Variants in SNTB1 observed in about 807,000 individuals in gnomAD.
The protein encoded by SNTB1 is syntrophin beta 1, also known as beta-1-syntrophin.
In SNTB1, 36 loss-of-function variants were observed where a neutral mutation model predicts 48.9. That is an observed-to-expected ratio of 0.74 (90% CI 0.56 to 0.97). The LOEUF (loss-of-function observed/expected upper bound fraction) is 0.97. Among genes scored for constraint, SNTB1 ranks in the 50% least tolerant of loss-of-function variants. The probability of loss-of-function intolerance (pLI) is 0.00; values close to 1 mark genes in which losing one functional copy is unlikely to be tolerated. For missense variants in SNTB1, 786 were observed against 703.4 expected, an observed-to-expected ratio of 1.12 and a Z score of -1.33; for synonymous variants, 299 against 294.6, an observed-to-expected ratio of 1.01 and a Z score of -0.15.
At chr8:120,578,162 T>G (rs917902659) in intron 3 of SNTB1, among the ~76,000 whole-genome samples, 1 of 151,758 alleles carries the variant, frequency 6.6e-6, no homozygotes, top group Non-Finnish European at 1.5e-5. Context: ...GCCTCCCAAG[T>G]AGCTGGGACT....
At chr8:120,776,717 C>T (rs938897790) in intron 1 of SNTB1, 4 of 152,138 alleles carry the variant, frequency 2.6e-5, no homozygotes, top group Admixed American at 1.3e-4. Context: ...CCCTCATAAG[C>T]CTGGTCATAT....
At chr8:120,788,043 T>C (rs367978858) in intron 1 of SNTB1, among the ~76,000 whole-genome samples, 1 of 152,326 alleles carries the variant, frequency 6.6e-6, no homozygotes, top group African/African-American at 2.4e-5. Flanking sequence ...AGTAGAAACC[T>C]GACATCTAGA....
Position 120,811,671 on chromosome 8 carries a change from T to C in SNTB1, c.173A>G (p.Asn58Ser), listed in dbSNP as rs891069256. ...LSSEEGAAAY[N>S]GIGTATNGSF... ...GCCATTGGTGGCGGTCCCGATGCCG[T>C]TGTACGCCGCAGCGCCCTCCTCGCT... The change falls in exon 1 of 7, where the codon AAC becomes AGC. Residue 58 changes from asparagine to serine, a missense_variant. Coordinates refer to ENST00000517992, the MANE Select transcript of SNTB1 (RefSeq NM_021021.4). 27 of 1,592,564 alleles carry C rather than the reference T, an allele frequency of 1.7e-5. No individual in the cohort carries two copies. In the African/African-American group the frequency reaches 2.9e-4, roughly 17 times the overall value.
chr8:120,638,106 G>A (rs1817113891), intron 2 of SNTB1: 1 of 153,080 alleles, frequency 6.5e-6, no homozygotes, highest in African/African-American at 2.4e-5. Context: ...AAGGAACCAG[G>A]GATATTGGGG....
chr8:120,677,380 T>G (rs1407816711), intron 2 of SNTB1, among the ~76,000 whole-genome samples: 1 of 152,224 alleles, frequency 6.6e-6, no homozygotes, highest in Non-Finnish European at 1.5e-5. Flanking sequence ...GAAATTAATC[T>G]AAGGATGCTA....
At chr8:120,609,686 T>A (rs990380034) in intron 3 of SNTB1, among the ~76,000 whole-genome samples, 7 of 152,308 alleles carry the variant, frequency 4.6e-5, no homozygotes, top group South Asian at 2.1e-4. Context: ...ATTAACATTT[T>A]AAAAAAACCA....
Position 120,575,906 on chromosome 8 carries a change from G to C in SNTB1, c.997-681C>G, listed in dbSNP as rs191542661. On this transcript the variant is annotated intron_variant, in intron 3 of 6. Coordinates refer to ENST00000517992, the MANE Select transcript of SNTB1 (RefSeq NM_021021.4). The stretch of plus-strand genomic sequence containing the variant: ...AAAACCCTTCTAATCTGGAGAATCT[G>C]TGTAGCTCAGCTCTTATCTCATGAG... Among the ~76,000 whole-genome samples the C allele has an allele frequency of 3.5e-3, 531 of 152,320 alleles. 2 individuals carry two copies. The highest frequency in any genetic ancestry group is 0.019 in the South Asian group (93 of 4,832).
chr8:120,770,124 T>TA (rs1819594645), intron 1 of SNTB1, among the ~76,000 whole-genome samples: 1 of 152,222 alleles, frequency 6.6e-6, no homozygotes, highest in Non-Finnish European at 1.5e-5. Flanking sequence ...CATCTCTTCC[T>TA]ACCAGTTTAT....
chr8:120,693,295 T>C (rs1413396094), intron 2 of SNTB1, among the ~76,000 whole-genome samples: 1 of 152,126 alleles, frequency 6.6e-6, no homozygotes, highest in Non-Finnish European at 1.5e-5. Context: ...ACATCCTAAC[T>C]ATATCACATG....
At chr8:120,674,200 T>C (rs567921550) in intron 2 of SNTB1, among the ~76,000 whole-genome samples, 3 of 152,338 alleles carry the variant, frequency 2.0e-5, no homozygotes, top group African/African-American at 7.2e-5. Context: ...ACATGTAGAC[T>C]GCAGGAATGC....
chr8:120,568,487 C>T (rs1815788917), intron 4 of SNTB1, among the ~76,000 whole-genome samples: 1 of 152,192 alleles, frequency 6.6e-6, no homozygotes, highest in Non-Finnish European at 1.5e-5. Flanking sequence ...AGTTAAAAAT[C>T]TATTTTACCA....
Position 120,811,651 on chromosome 8 carries a change from T to A in SNTB1, c.193A>T (p.Asn65Tyr). 2 of 1,594,132 alleles carry A rather than the reference T, an allele frequency of 1.3e-6. No individual in the cohort carries two copies. The highest frequency in any genetic ancestry group is 1.7e-6 in the Non-Finnish European group (2 of 1,173,746). ...CCGGCGCCCCTGCAGAACGAGCCAT[T>A]GGTGGCGGTCCCGATGCCGTTGTAC... is the stretch of plus-strand genomic sequence containing the variant. ...AAYNGIGTAT[N>Y]GSFCRGAGAG... The change falls in exon 1 of 7, where the codon AAT becomes TAT. Residue 65 changes from asparagine (N) to tyrosine (Y), a missense_variant. Asn to Tyr is a moderately radical substitution (Grantham distance 143). Transcript: ENST00000517992.
chr8:120,650,657 C>A lies in SNTB1; in HGVS notation c.789-18006G>T, dbSNP rs894512802. Among the ~76,000 whole-genome samples the A allele has an allele frequency of 1.3e-5, 2 of 152,176 alleles. 1 individual carries two copies. The highest frequency in any genetic ancestry group is 4.8e-5 in the African/African-American group (2 of 41,436). On this transcript the variant is annotated intron_variant, in intron 2 of 6. Coordinates refer to ENST00000517992, the MANE Select transcript of SNTB1 (RefSeq NM_021021.4). The stretch of plus-strand genomic sequence containing the variant: ...GGGGTGATTTTATACCTATATATCT[C>A]CATTGCCTGGCATTAACTGAACTTC...
At chr8:120,810,867 C>T (rs1820413868) in intron 1 of SNTB1, among the ~76,000 whole-genome samples, 1 of 152,126 alleles carries the variant, frequency 6.6e-6, no homozygotes, top group Non-Finnish European at 1.5e-5. Flanking sequence ...CCCTGCTTGG[C>T]AACGTTGGAT....
At chr8:120,682,291 C>T (rs373108685) in intron 2 of SNTB1, among the ~76,000 whole-genome samples, 73 of 152,140 alleles carry the variant, frequency 4.8e-4, no homozygotes, top group African/African-American at 1.6e-3. Flanking sequence ...AATTATCTGT[C>T]TTATCATTTT....
intron 2 of SNTB1, among the ~76,000 whole-genome samples, chr8:120,679,076 C>T (rs1343955024): frequency 6.6e-6 from 1 of 152,224 alleles, no homozygotes; most frequent in Non-Finnish European, 1.5e-5. Flanking sequence ...GAGCTTCCCA[C>T]TGGGTGCTAG....
At chr8:120,670,065 C>G (rs909376772) in intron 2 of SNTB1, among the ~76,000 whole-genome samples, 2 of 152,194 alleles carry the variant, frequency 1.3e-5, no homozygotes, top group Non-Finnish European at 2.9e-5. Context: ...ATAGGTCTAG[C>G]TTTCTTGTTA....
chr8:120,768,243 T>C (rs1452580114), intron 1 of SNTB1, among the ~76,000 whole-genome samples: 1 of 152,174 alleles, frequency 6.6e-6, no homozygotes, highest in African/African-American at 2.4e-5. Flanking sequence ...ATTGACCTCA[T>C]GCTGTTCAAG....
intron 3 of SNTB1, among the ~76,000 whole-genome samples, chr8:120,615,729 G>GAAT (rs1816703388): frequency 6.6e-6 from 1 of 152,190 alleles, no homozygotes; most frequent in African/African-American, 2.4e-5. Context: ...TCTGCCATCT[G>GAAT]AATAACATAA....
Sources: allele counts gnomAD v4.1 joint callset (sites outside exome capture counted in the v4.1 genomes callset), GRCh38; gene constraint gnomAD v4.1.1; transcripts MANE v1.5; gene names NCBI Gene and HGNC (gene_info 2026-07-23, HGNC 2026-07-21).